DLGAP1: variants seen among roughly 807,000 people sequenced by gnomAD.
The protein encoded by DLGAP1 is disks large-associated protein 1.
DLGAP1 carries 11 observed loss-of-function variants against 90.8 expected under a neutral mutation model. The ratio of observed to expected loss-of-function variants is 0.12; its 90% CI spans 0.08 to 0.20. The LOEUF is 0.20. DLGAP1 is among the 10% of genes least tolerant of loss of function. The probability of loss-of-function intolerance (pLI) is 1.00; values close to 1 mark genes in which losing one functional copy is unlikely to be tolerated. For missense variants in DLGAP1, 1,050 were observed against 1,333.8 expected (o/e 0.79, Z 3.31); for synonymous variants, 558 against 540.7 (o/e 1.03, Z -0.44).
intron 5 of DLGAP1, among the ~76,000 whole-genome samples, chr18:3,749,789 T>G (rs1318242707): frequency 6.6e-6 from 1 of 152,160 alleles, no homozygotes; most frequent in Non-Finnish European, 1.5e-5. Context: ...CCTCAAATTT[T>G]CTTATTTTTT....
At chr18:4,106,028 T>C (rs1169658516) in intron 2 of DLGAP1, among the ~76,000 whole-genome samples, 3 of 59,844 alleles carry the variant, frequency 5.0e-5, no homozygotes, top group African/African-American at 8.1e-5. Flanking sequence ...CGAGGGTCCG[T>C]CTCAAAAAAA....
intron 2 of DLGAP1, among the ~76,000 whole-genome samples, chr18:4,127,298 A>G (rs1295669561): frequency 6.6e-6 from 1 of 152,206 alleles, no homozygotes; most frequent in African/African-American, 2.4e-5. Flanking sequence ...TTTTAAAAGA[A>G]TAACTATTTT....
At chr18:4,110,692 TA>T (rs2075957566) in intron 2 of DLGAP1, among the ~76,000 whole-genome samples, 1 of 152,190 alleles carries the variant, frequency 6.6e-6, no homozygotes, top group African/African-American at 2.4e-5. Flanking sequence ...GTAGTAATAG[TA>T]AAAGAGATCA....
At chr18:4,398,433 A>G (rs2082482654) in intron 1 of DLGAP1, among the ~76,000 whole-genome samples, 1 of 152,236 alleles carries the variant, frequency 6.6e-6, no homozygotes, top group African/African-American at 2.4e-5. Flanking sequence ...CAGTTAGCGG[A>G]TATGCTATGG....
At chr18:3,610,896 A>G (rs1486950504) in intron 7 of DLGAP1, among the ~76,000 whole-genome samples, 5 of 135,506 alleles carry the variant, frequency 3.7e-5, no homozygotes, top group South Asian at 2.4e-4. Context: ...TTTTTTTTTG[A>G]GTTTTCATAT....
intron 1 of DLGAP1, among the ~76,000 whole-genome samples, chr18:4,252,522 T>A (rs1007435487): frequency 6.6e-6 from 1 of 152,152 alleles, no homozygotes; most frequent in Non-Finnish European, 1.5e-5. Context: ...AAAAAAGCAG[T>A]GTTTCTATGC....
intron 3 of DLGAP1, among the ~76,000 whole-genome samples, chr18:3,962,850 T>A (rs1196726082): frequency 6.6e-6 from 1 of 152,242 alleles, no homozygotes; most frequent in Non-Finnish European, 1.5e-5. Context: ...TTATTATGCT[T>A]ATCTGAAAAT....
intron 2 of DLGAP1, among the ~76,000 whole-genome samples, chr18:4,032,159 A>C (rs1023946120): frequency 6.6e-6 from 1 of 152,234 alleles, no homozygotes; most frequent in East Asian, 1.9e-4. Context: ...GTGATTGCTG[A>C]CATTTTCATA....
At chr18:3,612,752 A>G (rs972870565) in intron 7 of DLGAP1, among the ~76,000 whole-genome samples, 1 of 152,236 alleles carries the variant, frequency 6.6e-6, no homozygotes. Context: ...TTTTTTAGTT[A>G]TTCTCAGATG....
chr18:3,562,458 G>A (rs951330843), intron 9 of DLGAP1, among the ~76,000 whole-genome samples: 6 of 150,530 alleles, frequency 4.0e-5, no homozygotes, highest in Admixed American at 2.0e-4. Flanking sequence ...TTCCCATGCT[G>A]TTCTCATGAT....
intron 2 of DLGAP1, among the ~76,000 whole-genome samples, chr18:4,138,781 C>T (rs1419096578): frequency 6.6e-6 from 1 of 151,840 alleles, no homozygotes; most frequent in Admixed American, 6.6e-5. Flanking sequence ...CTTTTCATTT[C>T]TAGGAGAATT....
At chr18:3,762,715 C>T (rs1368808465) in intron 5 of DLGAP1, among the ~76,000 whole-genome samples, 2 of 152,142 alleles carry the variant, frequency 1.3e-5, no homozygotes, top group Non-Finnish European at 2.9e-5. Context: ...TCTATGTAAT[C>T]GCCTTCAATG....
intron 1 of DLGAP1, among the ~76,000 whole-genome samples, chr18:4,351,396 C>G (rs1202746366): frequency 6.6e-6 from 1 of 152,052 alleles, no homozygotes; most frequent in Non-Finnish European, 1.5e-5. Context: ...CTTATCTATT[C>G]TAGGGTCATA....
At chr18:4,026,005 A>C (rs1017242729) in intron 2 of DLGAP1, among the ~76,000 whole-genome samples, 1 of 152,250 alleles carries the variant, frequency 6.6e-6, no homozygotes, top group Non-Finnish European at 1.5e-5. Flanking sequence ...AGTGAATCTA[A>C]GTGTCAAGAC....
At chr18:4,071,589 A>C (rs1291998309) in intron 2 of DLGAP1, among the ~76,000 whole-genome samples, 1 of 150,516 alleles carries the variant, frequency 6.6e-6, no homozygotes, top group Non-Finnish European at 1.5e-5. Flanking sequence ...CCGCATTCTA[A>C]GGTAGAATTA....
At chr18:3,809,373 A>C (rs564335869) in intron 5 of DLGAP1, among the ~76,000 whole-genome samples, 19 of 152,366 alleles carry the variant, frequency 1.2e-4, no homozygotes, top group African/African-American at 4.6e-4. Flanking sequence ...ATTTAAATTT[A>C]AATTTTTCCA....
intron 3 of DLGAP1, among the ~76,000 whole-genome samples, chr18:3,920,651 C>T (rs1397656590): frequency 6.6e-6 from 1 of 152,094 alleles, no homozygotes; most frequent in African/African-American, 2.4e-5. Flanking sequence ...TCAGTTAGGG[C>T]GAAACTCTCT....
chr18:3,611,415 C>A (rs772554860), intron 7 of DLGAP1, among the ~76,000 whole-genome samples: 1 of 152,070 alleles, frequency 6.6e-6, no homozygotes, highest in Non-Finnish European at 1.5e-5. Flanking sequence ...CAGTCCTGAC[C>A]GGCTCTACCA....
chr18:4,167,750 G>C lies in DLGAP1; in HGVS notation c.-266-16463C>G, dbSNP rs544835751. On this transcript the variant is annotated intron_variant, in intron 1 of 12. Transcript: ENST00000315677. Reference sequence around the variant, plus strand: ...GTACATAAGTGATTTCAGCGATGTTGCTGGATACAAGACCAATAGACAAAG... The same window carrying C: ...GTACATAAGTGATTTCAGCGATGTTCCTGGATACAAGACCAATAGACAAAG... Among the ~76,000 whole-genome samples the C allele has an allele frequency of 5.3e-5, 8 of 152,294 alleles. No individual in the cohort carries two copies. In the East Asian group the frequency reaches 1.2e-3, roughly 22 times the overall value.
Sources: allele counts gnomAD v4.1 joint callset (sites outside exome capture counted in the v4.1 genomes callset), GRCh38; gene constraint gnomAD v4.1.1; transcripts MANE v1.5; gene names NCBI Gene and HGNC (gene_info 2026-07-23, HGNC 2026-07-21).